The following FAF1 variants were observed in gnomAD, a reference collection of about 807,000 sequenced individuals.
FAF1 encodes the protein FAS-associated factor 1.
In FAF1, 25 loss-of-function variants were observed where a neutral mutation model predicts 92.5. That is an observed-to-expected ratio of 0.27 (90% CI 0.20 to 0.38). The LOEUF (loss-of-function observed/expected upper bound fraction) is 0.38, where lower values mean the gene tolerates loss of function less well. Ranked by LOEUF, FAF1 falls within the 10% of genes least tolerant of loss-of-function variation. FAF1 has a pLI of 1.00. For missense variants in FAF1, 636 were observed against 793.3 expected, an observed-to-expected ratio of 0.80 and a Z score of 2.38; for synonymous variants, 234 against 273.2, an observed-to-expected ratio of 0.86 and a Z score of 1.42.
intron 3 of FAF1, among the ~76,000 whole-genome samples, chr1:50,789,372 C>A (rs1341472143): frequency 3.3e-5 from 5 of 152,110 alleles, no homozygotes; most frequent in African/African-American, 9.7e-5. Context: ...TCCCGGACCC[C>A]CAACTCAGTA....
intron 18 of FAF1, among the ~76,000 whole-genome samples, chr1:50,466,029 G>A (rs1646490051): frequency 6.6e-6 from 1 of 150,930 alleles, no homozygotes; most frequent in African/African-American, 2.4e-5. Context: ...GAAGTGACGT[G>A]ATTTGCCTTA....
At chr1:50,951,195 C>G (rs536055705) in intron 1 of FAF1, among the ~76,000 whole-genome samples, 36 of 152,352 alleles carry the variant, frequency 2.4e-4, no homozygotes, top group African/African-American at 7.9e-4. Context: ...GATCACGCCA[C>G]TGCACTCCAG....
chr1:50,751,939 C>A (rs536469815), intron 4 of FAF1, among the ~76,000 whole-genome samples: 1 of 152,122 alleles, frequency 6.6e-6, no homozygotes, highest in African/African-American at 2.4e-5. Flanking sequence ...AGCCATCTAG[C>A]GTTTCAGGTT....
chr1:50,785,131 T>G (rs1384459484), intron 4 of FAF1, among the ~76,000 whole-genome samples: 2 of 37,168 alleles, frequency 5.4e-5, no homozygotes, highest in Non-Finnish European at 8.8e-5. Flanking sequence ...AGACCCTATC[T>G]CAAAAAAAAA....
chr1:50,589,301 G>A (rs763722135), intron 9 of FAF1, among the ~76,000 whole-genome samples: 12 of 152,086 alleles, frequency 7.9e-5, no homozygotes, highest in African/African-American at 1.4e-4. Flanking sequence ...GGTGGCTCTG[G>A]GGAGGAGGGA....
In FAF1 at chr1:50,583,112, T is replaced by G. The variant is rs570248334; in HGVS notation, c.1032-413A>C. On this transcript the variant is annotated intron_variant, in intron 11 of 18. Transcript: ENST00000396153. The surrounding 1 kb of genome is among the most constrained non-coding windows in gnomAD (Gnocchi z 4.2). The stretch of plus-strand genomic sequence containing the variant: ...CCATATTATATTTCAACAGAAAATA[T>G]CACTAAAACAATATCATTTACACCA... Among the ~76,000 whole-genome samples the G allele has an allele frequency of 6.6e-6, 1 of 152,022 alleles. No individual in the cohort carries two copies. Among genetic ancestry groups the G allele is most frequent in the South Asian group, 2.1e-4 (1 of 4,824 alleles).
At chr1:50,899,122 T>C (rs1006263057) in intron 1 of FAF1, among the ~76,000 whole-genome samples, 1 of 152,182 alleles carries the variant, frequency 6.6e-6, no homozygotes, top group Admixed American at 6.5e-5. Context: ...ACAAGTTCAC[T>C]AGTATTTTTC....
intron 1 of FAF1, among the ~76,000 whole-genome samples, chr1:50,927,982 T>A (rs537880946): frequency 6.6e-6 from 1 of 152,358 alleles, no homozygotes; most frequent in South Asian, 2.1e-4. Flanking sequence ...TGTTAGGATT[T>A]GTGTTCTTTG....
At chr1:50,602,563 T>C (rs1375167489) in intron 8 of FAF1, among the ~76,000 whole-genome samples, 1 of 150,020 alleles carries the variant, frequency 6.7e-6, no homozygotes, top group Non-Finnish European at 1.5e-5. Context: ...AGTGCAGTGG[T>C]GTGATCTCAG....
At chr1:50,785,738 C>T (rs534752999) in intron 4 of FAF1, among the ~76,000 whole-genome samples, 1 of 151,948 alleles carries the variant, frequency 6.6e-6, no homozygotes, top group South Asian at 2.1e-4. Flanking sequence ...TATGGAAGTT[C>T]CTCAAAAAAT....
chr1:50,763,554 T>C (rs1035370532), intron 4 of FAF1, among the ~76,000 whole-genome samples: 1 of 152,162 alleles, frequency 6.6e-6, no homozygotes, highest in Non-Finnish European at 1.5e-5. Context: ...ATTGTACCAT[T>C]TTATATTTGC....
chr1:50,887,066 G>A (rs542779704), intron 1 of FAF1, among the ~76,000 whole-genome samples: 45 of 152,202 alleles, frequency 3.0e-4, no homozygotes, highest in Non-Finnish European at 5.3e-4. Flanking sequence ...TTTAATGATC[G>A]CCATTCTAAC....
chr1:50,834,048 G>A (rs1258736655), intron 2 of FAF1, among the ~76,000 whole-genome samples: 1 of 152,208 alleles, frequency 6.6e-6, no homozygotes, highest in Non-Finnish European at 1.5e-5. Context: ...GGTGGCAGGC[G>A]ACTGGATCAT....
intron 15 of FAF1, among the ~76,000 whole-genome samples, chr1:50,500,579 T>C (rs573969318): frequency 9.9e-5 from 15 of 152,196 alleles, no homozygotes; most frequent in East Asian, 5.8e-4. Flanking sequence ...AAAGGAAACA[T>C]AGGAGAAAAT....
chr1:50,887,094 T>C (rs987263491), intron 1 of FAF1, among the ~76,000 whole-genome samples: 1 of 152,212 alleles, frequency 6.6e-6, no homozygotes, highest in Non-Finnish European at 1.5e-5. Context: ...AGATGGTATC[T>C]GATTGTGGTT....
intron 7 of FAF1, among the ~76,000 whole-genome samples, chr1:50,703,379 T>C (rs984114821): frequency 2.6e-5 from 4 of 152,138 alleles, no homozygotes; most frequent in Admixed American, 6.6e-5. Context: ...CACCTGAAAC[T>C]ACCCCCTCCA....
At chr1:50,877,891 T>A (rs970119200) in intron 1 of FAF1, among the ~76,000 whole-genome samples, 1 of 152,146 alleles carries the variant, frequency 6.6e-6, no homozygotes, top group Non-Finnish European at 1.5e-5. Context: ...AAGAATTATT[T>A]TCCACAAGCC....
At chr1:50,642,859 G>C (rs1041952455) in intron 8 of FAF1, among the ~76,000 whole-genome samples, 3 of 151,600 alleles carry the variant, frequency 2.0e-5, no homozygotes, top group Non-Finnish European at 2.9e-5. Context: ...GTTGTTGTTT[G>C]AGACAGAGTC....
At chr1:50,897,120 A>G (rs533707590) in intron 1 of FAF1, among the ~76,000 whole-genome samples, 6 of 152,372 alleles carry the variant, frequency 3.9e-5, no homozygotes, top group Admixed American at 3.3e-4. Flanking sequence ...TGCAAAATCT[A>G]TATGAGGAAA....
Sources: gnomAD v4.1 joint callset for allele counts (sites outside exome capture counted in the v4.1 genomes callset) on GRCh38, gnomAD v4.1.1 for gene constraint, Gnocchi (gnomAD v3.1) non-coding constraint, MANE v1.5 for transcripts, NCBI Gene and HGNC (gene_info 2026-07-23, HGNC 2026-07-21) for gene names.